The following AIG1 variants were observed in gnomAD, a reference collection of about 807,000 sequenced individuals.
AIG1 encodes androgen-induced gene 1 protein.
Under a neutral mutation model 31.4 loss-of-function variants are expected in AIG1, and 23 were observed. The ratio of observed to expected loss-of-function variants is 0.73; its 90% CI spans 0.53 to 1.04. The LOEUF is 1.04. AIG1 is among the 50% of genes least tolerant of loss of function. The probability of loss-of-function intolerance (pLI) is 0.00; values close to 1 mark genes in which losing one functional copy is unlikely to be tolerated. For missense variants in AIG1, 274 were observed against 295.0 expected (o/e 0.93, Z 0.52); for synonymous variants, 100 against 110.5 (o/e 0.90, Z 0.60).
intron 2 of AIG1, among the ~76,000 whole-genome samples, chr6:143,164,006 T>C (rs2128562574): frequency 6.6e-6 from 1 of 152,250 alleles, no homozygotes; most frequent in East Asian, 1.9e-4. Context: ...CTACAACCAC[T>C]TTAATCTCTT....
At chr6:143,084,717 A>T (rs958259335) in intron 1 of AIG1, among the ~76,000 whole-genome samples, 2 of 152,158 alleles carry the variant, frequency 1.3e-5, no homozygotes, top group African/African-American at 4.8e-5. Context: ...GTCTCTCCAG[A>T]AAGGCAGTAG....
At chr6:143,306,036 T>G (rs1799275415) in intron 4 of AIG1, among the ~76,000 whole-genome samples, 3 of 148,080 alleles carry the variant, frequency 2.0e-5, no homozygotes, top group Admixed American at 1.3e-4. Context: ...TATCACAGAC[T>G]AGGATTGCAA....
intron 3 of AIG1, among the ~76,000 whole-genome samples, chr6:143,196,801 T>C (rs866381394): frequency 1.3e-5 from 2 of 152,144 alleles, no homozygotes; most frequent in Non-Finnish European, 2.9e-5. Context: ...TGCTTCTCAG[T>C]TCCTTCTCAT....
At chr6:143,092,279 ATTTTTTTT>A (rs760340815) in intron 1 of AIG1, among the ~76,000 whole-genome samples, 10 of 117,684 alleles carry the variant, frequency 8.5e-5, no homozygotes, top group Admixed American at 7.6e-4. Flanking sequence ...TAATTTTTTG[ATTTTTTTT>A]TTTTTTTTTT....
At chr6:143,103,577 G>A (rs1313904643) in intron 1 of AIG1, among the ~76,000 whole-genome samples, 4 of 139,000 alleles carry the variant, frequency 2.9e-5, no homozygotes, top group African/African-American at 1.1e-4. Context: ...GCGGGATCTC[G>A]GCTCACTGCA....
At chr6:143,205,948 T>TA (rs1791076886) in intron 3 of AIG1, among the ~76,000 whole-genome samples, 1 of 152,242 alleles carries the variant, frequency 6.6e-6, no homozygotes, top group Non-Finnish European at 1.5e-5. Flanking sequence ...GTGTAATTGT[T>TA]ATATTATTTC....
intron 4 of AIG1, among the ~76,000 whole-genome samples, chr6:143,305,010 G>A (rs1799145039): frequency 6.6e-6 from 1 of 152,112 alleles, no homozygotes; most frequent in African/African-American, 2.4e-5. Flanking sequence ...TAGTTTATTT[G>A]CGTAGAGGTG....
chr6:143,176,420 G>T (rs1788164233), intron 3 of AIG1, among the ~76,000 whole-genome samples: 2 of 152,170 alleles, frequency 1.3e-5, no homozygotes, highest in Admixed American at 1.3e-4. Context: ...TCAAGAGATT[G>T]TTTTTTGTCT....
intron 1 of AIG1, among the ~76,000 whole-genome samples, chr6:143,100,377 TTGTCTTAA>T (rs1381128759): frequency 1.3e-5 from 2 of 152,196 alleles, no homozygotes; most frequent in Non-Finnish European, 2.9e-5. Context: ...TTTCACGATT[TTGTCTTAA>T]TGTGTTTTGG....
chr6:143,177,900 A>G (rs1788322389), intron 3 of AIG1, among the ~76,000 whole-genome samples: 1 of 152,150 alleles, frequency 6.6e-6, no homozygotes, highest in Admixed American at 6.5e-5. Flanking sequence ...TATCTTGGCC[A>G]GGCTGGTTCT....
At chr6:143,242,026 G>T (rs574340683) in intron 3 of AIG1, among the ~76,000 whole-genome samples, 1 of 152,260 alleles carries the variant, frequency 6.6e-6, no homozygotes, top group African/African-American at 2.4e-5. Flanking sequence ...TTGGATAAGG[G>T]ATACTCAACC....
At chr6:143,251,814 G>A (rs1795031937) in intron 3 of AIG1, among the ~76,000 whole-genome samples, 1 of 152,086 alleles carries the variant, frequency 6.6e-6, no homozygotes, top group Admixed American at 6.5e-5. Flanking sequence ...CTACACGCTG[G>A]ATAAGAAAGA....
chr6:143,294,312 A>G (rs572572873), intron 4 of AIG1, among the ~76,000 whole-genome samples: 4 of 152,066 alleles, frequency 2.6e-5, no homozygotes, highest in African/African-American at 7.2e-5. Flanking sequence ...CTATTTCCCT[A>G]CTCACAGCTG....
At chr6:143,219,334 G>T (rs12213958) in intron 3 of AIG1, among the ~76,000 whole-genome samples, 6,195 of 152,244 alleles carry the variant, frequency 0.041, 461 homozygotes, top group East Asian at 0.3. Flanking sequence ...GCCAGGTGTG[G>T]TGGTGCATGC....
At chr6:143,067,408 G>C (rs1403900052) in intron 1 of AIG1, among the ~76,000 whole-genome samples, 1 of 152,154 alleles carries the variant, frequency 6.6e-6, no homozygotes, top group Admixed American at 6.5e-5. Flanking sequence ...CAGAAAACCA[G>C]AGAGAGATGA....
chr6:143,172,739 C>T (rs930127809), intron 3 of AIG1, among the ~76,000 whole-genome samples: 4 of 152,120 alleles, frequency 2.6e-5, no homozygotes, highest in Admixed American at 6.5e-5. Context: ...ATTTCAATCT[C>T]GCTTCTTGTT....
At position 143,284,773 on chromosome 6, in the gene AIG1, A is replaced by T. The variant is rs1399268084; in HGVS notation, c.515+548A>T. Among the ~76,000 whole-genome samples the T allele has an allele frequency of 1.3e-5, 2 of 152,210 alleles. No homozygotes were observed. Among genetic ancestry groups the T allele is most frequent in the Non-Finnish European group, 2.9e-5 (2 of 68,030 alleles). The stretch of plus-strand genomic sequence containing the variant: ...ATAAACCACAAGAAATCTTCATTTG[A>T]TCTATTGTGCACAATTCAGATCCAA... On this transcript the variant is annotated intron_variant, in intron 4 of 5. Transcript: ENST00000357847. This position sits in a 1 kb window ranked among gnomAD's most constrained non-coding sequence, Gnocchi z 4.4.
At chr6:143,217,343 C>T (rs890148603) in intron 3 of AIG1, among the ~76,000 whole-genome samples, 3 of 152,164 alleles carry the variant, frequency 2.0e-5, no homozygotes, top group African/African-American at 7.2e-5. Flanking sequence ...AGAGTACAGT[C>T]ATTAAATTGT....
At chr6:143,074,884 G>A (rs1777598500) in intron 1 of AIG1, among the ~76,000 whole-genome samples, 1 of 152,166 alleles carries the variant, frequency 6.6e-6, no homozygotes, top group African/African-American at 2.4e-5. Flanking sequence ...TTCCTCTTAA[G>A]TGTTCTGGAA....
Sources: gnomAD v4.1 joint callset for allele counts (sites outside exome capture counted in the v4.1 genomes callset) on GRCh38, gnomAD v4.1.1 for gene constraint, Gnocchi (gnomAD v3.1) non-coding constraint, MANE v1.5 for transcripts, NCBI Gene and HGNC (gene_info 2026-07-23, HGNC 2026-07-21) for gene names.